Variants in SSU72 observed in about 807,000 individuals in gnomAD.
The protein encoded by SSU72 is SSU72 homolog, RNA polymerase II CTD phosphatase, also known as RNA polymerase II subunit A C-terminal domain phosphatase SSU72.
SSU72 carries 12 observed loss-of-function variants against 22.7 expected under a neutral mutation model. The observed-to-expected ratio is 0.53, with a 90% CI of 0.34 to 0.86. The LOEUF is 0.86. Among genes scored for constraint, SSU72 ranks in the 40% least tolerant of loss-of-function variants. The probability of loss-of-function intolerance (pLI) is 0.02; values close to 1 mark genes in which losing one functional copy is unlikely to be tolerated. For missense variants in SSU72, 151 were observed against 249.8 expected (o/e 0.60, Z 2.67); for synonymous variants, 116 against 98.3 (o/e 1.18, Z -1.06).
At chr1:1,545,151 G>C in intron 2 of SSU72, 149 bp from the exon 3 acceptor site, 1 of 877,686 alleles carries the variant, frequency 1.1e-6, no homozygotes, top group Non-Finnish European at 1.8e-6. Context: ...CCATGCCCTG[G>C]TGAGGCAGGG....
In SSU72 at chr1:1,542,845, C is replaced by T. The variant is rs960323881; in HGVS notation, c.484-678G>A. On this transcript the variant is annotated intron_variant, in intron 4 of 4. Coordinates refer to ENST00000291386, the MANE Select transcript of SSU72 (RefSeq NM_014188.3). The surrounding 1 kb of genome is among the most constrained non-coding windows in gnomAD (Gnocchi z 4.4). ...AGGCGATCATGAAGACCGTCCCTGG[C>T]GCTTCAGCAGCCACACTGGACCGTG... Among the ~76,000 whole-genome samples the T allele has an allele frequency of 7.9e-5, 12 of 152,184 alleles. No homozygotes were observed. The highest frequency in any genetic ancestry group is 1.9e-4 in the African/African-American group (8 of 41,442).
intron 2 of SSU72, 38 bp from the exon 3 acceptor site, chr1:1,545,040 T>A (rs532271603): frequency 6.2e-7 from 1 of 1,603,198 alleles, no homozygotes; most frequent in African/African-American, 1.3e-5. Context: ...AGAAAAGGCA[T>A]CTGTGTATGA....
intron 1 of SSU72, among the ~76,000 whole-genome samples, chr1:1,570,969 G>A (rs1167172830): frequency 1.3e-5 from 2 of 151,976 alleles, no homozygotes; most frequent in Non-Finnish European, 2.9e-5. Context: ...AAATTTGGCC[G>A]GGCGCGGTGG....
At chr1:1,544,618 A>G (rs1246673518) in intron 3 of SSU72, 2 of 563,352 alleles carry the variant, frequency 3.6e-6, no homozygotes, top group Non-Finnish European at 6.4e-6. Context: ...CTCTGTCTCA[A>G]AAAACAAAAC....
intron 1 of SSU72, 63 bp from the exon 2 acceptor site, chr1:1,564,979 G>C: frequency 6.5e-7 from 1 of 1,527,630 alleles, no homozygotes; most frequent in Non-Finnish European, 8.8e-7. Flanking sequence ...CAAAAGCAAG[G>C]GACAGCAAAT....
Position 1,542,038 on chromosome 1 carries a change from C to T in SSU72, c.*28G>A. 6.4e-7 allele frequency: 1 copy of T among 1,555,282 alleles called. No individual in the cohort carries two copies. Among genetic ancestry groups the T allele is most frequent in the Non-Finnish European group, 8.7e-7 (1 of 1,147,934 alleles). ...AAAAAGTATGAACAACAGGAAGCTC[C>T]AGAGGCGGCTCCATGCGGGCGCTGG... On this transcript the variant is annotated 3_prime_UTR_variant, in exon 5 of 5. Coordinates refer to ENST00000291386, the MANE Select transcript of SSU72 (RefSeq NM_014188.3). This position sits in a 1 kb window ranked among gnomAD's most constrained non-coding sequence, Gnocchi z 4.4.
intron 2 of SSU72, chr1:1,564,306 G>A (rs1031619927): frequency 2.6e-5 from 15 of 584,656 alleles, no homozygotes; most frequent in Non-Finnish European, 4.0e-5. Flanking sequence ...AGCTTGGTTA[G>A]CAAGCTCCGC....
chr1:1,555,316 C>T (rs753386910), intron 2 of SSU72, among the ~76,000 whole-genome samples: 20 of 152,214 alleles, frequency 1.3e-4, no homozygotes, highest in African/African-American at 4.3e-4. Context: ...ACAGCCTCGG[C>T]GGCGCTGGTG....
At chr1:1,568,194 G>A (rs1162831038) in intron 1 of SSU72, among the ~76,000 whole-genome samples, 1 of 152,226 alleles carries the variant, frequency 6.6e-6, no homozygotes, top group East Asian at 1.9e-4. Flanking sequence ...ATAAAAGCAA[G>A]GACAGCTTGG....
intron 1 of SSU72, 107 bp downstream of exon 1, chr1:1,574,371 G>T (rs1433659178): frequency 1.6e-6 from 2 of 1,256,432 alleles, no homozygotes; most frequent in Non-Finnish European, 2.2e-6. Flanking sequence ...AGCGCGGCCC[G>T]GCCCGGCTTC....
intron 1 of SSU72, among the ~76,000 whole-genome samples, chr1:1,567,900 G>C (rs190975059): frequency 8.9e-6 from 1 of 112,130 alleles, no homozygotes; most frequent in East Asian, 3.6e-4. Context: ...GAAACAGAGC[G>C]ATACTCTGTT....
At chr1:1,547,443 G>A (rs1307066940) in intron 2 of SSU72, among the ~76,000 whole-genome samples, 1 of 152,250 alleles carries the variant, frequency 6.6e-6, no homozygotes, top group African/African-American at 2.4e-5. Context: ...GCTACACAAG[G>A]ATGAGCGAGC....
chr1:1,544,282 A>G (rs1642362923), intron 3 of SSU72, among the ~76,000 whole-genome samples: 1 of 152,014 alleles, frequency 6.6e-6, no homozygotes, highest in South Asian at 2.1e-4. Context: ...ACTAAAGACC[A>G]GCCCTCCCTG....
At chr1:1,574,422 G>T (rs983680380) in intron 1 of SSU72, 56 bp downstream of exon 1, 7 of 1,532,538 alleles carry the variant, frequency 4.6e-6, no homozygotes, top group Non-Finnish European at 6.2e-6. Context: ...AACCGGGGAG[G>T]AGGGAGGGCC....
At chr1:1,559,063 C>G (rs1460484338) in intron 2 of SSU72, among the ~76,000 whole-genome samples, 1 of 152,248 alleles carries the variant, frequency 6.6e-6, no homozygotes, top group African/African-American at 2.4e-5. Context: ...GAGCCAGGCT[C>G]AAGCCCCTCG....
At chr1:1,549,218 A>C (rs894179193) in intron 2 of SSU72, among the ~76,000 whole-genome samples, 1 of 152,252 alleles carries the variant, frequency 6.6e-6, no homozygotes, top group Non-Finnish European at 1.5e-5. Context: ...CCTCTACAAA[A>C]AATAAAAAAT....
At chr1:1,564,518 C>G (rs765901820) in intron 2 of SSU72, 2 of 1,528,132 alleles carry the variant, frequency 1.3e-6, no homozygotes, top group Middle Eastern at 2.3e-4. Flanking sequence ...TATGTCACGA[C>G]CCTCTGCTGA....
At chr1:1,555,238 T>C (rs1333046516) in intron 2 of SSU72, among the ~76,000 whole-genome samples, 3 of 152,148 alleles carry the variant, frequency 2.0e-5, no homozygotes, top group East Asian at 1.9e-4. Context: ...TCCGTTTCCA[T>C]GGCAAAACTC....
At chr1:1,556,929 C>A (rs1557500428) in intron 2 of SSU72, among the ~76,000 whole-genome samples, 1 of 152,236 alleles carries the variant, frequency 6.6e-6, no homozygotes, top group East Asian at 1.9e-4. Context: ...CTCCGTTCTA[C>A]CTCTGTCATC....
Sources: gnomAD v4.1 joint callset for allele counts (sites outside exome capture counted in the v4.1 genomes callset) on GRCh38, gnomAD v4.1.1 for gene constraint, Gnocchi (gnomAD v3.1) non-coding constraint, MANE v1.5 for transcripts, NCBI Gene and HGNC (gene_info 2026-07-23, HGNC 2026-07-21) for gene names.